MGA: variants seen among roughly 807,000 people sequenced by gnomAD.
MGA encodes the protein MAX dimerization protein MGA, also known as MAX gene-associated protein.
Under a neutral mutation model 261.1 loss-of-function variants are expected in MGA, and 40 were observed. That is an observed-to-expected ratio of 0.15 (90% CI 0.12 to 0.20). The LOEUF (loss-of-function observed/expected upper bound fraction) is 0.20. Among genes scored for constraint, MGA ranks in the 10% least tolerant of loss-of-function variants. The pLI is 1.00. For missense variants in MGA, 3,397 were observed against 3,630.5 expected, an observed-to-expected ratio of 0.94 and a Z score of 1.65; for synonymous variants, 1,302 against 1,290.6, an observed-to-expected ratio of 1.01 and a Z score of -0.19.
At chr15:41,760,870 G>A (rs1298915709) in intron 20 of MGA, among the ~76,000 whole-genome samples, 3 of 152,170 alleles carry the variant, frequency 2.0e-5, no homozygotes, top group Non-Finnish European at 4.4e-5. Flanking sequence ...CTGAGTAGTT[G>A]GGATTTCAGG....
At chr15:41,685,210 T>G (rs1275597748) in intron 2 of MGA, among the ~76,000 whole-genome samples, 2 of 152,232 alleles carry the variant, frequency 1.3e-5, no homozygotes. Flanking sequence ...GCATCACTTA[T>G]TGAAAATAAT....
upstream of MGA, among the ~76,000 whole-genome samples, chr15:41,658,651 A>G (rs1029202142): frequency 2.6e-5 from 3 of 113,268 alleles, no homozygotes; most frequent in African/African-American, 1.0e-4. Flanking sequence ...AAAACTATGG[A>G]TAGTTTTCCT....
At chr15:41,716,182 G>A (rs1369390178) in intron 9 of MGA, among the ~76,000 whole-genome samples, 1 of 151,676 alleles carries the variant, frequency 6.6e-6, no homozygotes, top group Non-Finnish European at 1.5e-5. Flanking sequence ...GCACGGTGGC[G>A]CAGGCCTGTA....
upstream of MGA, among the ~76,000 whole-genome samples, chr15:41,657,685 CAAAAA>C (rs67776808): frequency 2.3e-3 from 344 of 149,400 alleles, no homozygotes; most frequent in African/African-American, 8.2e-3. Flanking sequence ...CAAAACAAAA[CAAAAA>C]AAAAAACAAG....
intron 2 of MGA, among the ~76,000 whole-genome samples, chr15:41,686,084 T>C (rs867078523): frequency 5.3e-5 from 8 of 152,280 alleles, no homozygotes; most frequent in South Asian, 4.1e-4. Flanking sequence ...TACTAATTTA[T>C]AGAGTCCTTT....
chr15:41,638,472 C>T (rs761600036), intron 1 of MGA, among the ~76,000 whole-genome samples: 1 of 150,426 alleles, frequency 6.6e-6, no homozygotes, highest in African/African-American at 2.4e-5. Flanking sequence ...CTCAGGAGAT[C>T]CTCCTGCCTT....
rs1260407325 is a variant in MGA at position 41,696,503 on chromosome 15, A to G, written c.1493A>G (p.Lys498Arg). Residue 498 changes from lysine to arginine, a missense_variant, in exon 3 of 24, where the codon AAA becomes AGA. Lys to Arg is a conservative substitution (Grantham distance 26). Coordinates refer to ENST00000219905, the MANE Select transcript of MGA (RefSeq NM_001164273.2). The stretch of plus-strand genomic sequence containing the variant: ...ATGCTTTCCACATCTCGAAAGGATA[A>G]ATCTTCTATGTTGGCAGAATTGGAA... The G allele has an allele frequency of 1.9e-6, 3 of 1,613,884 alleles. No individual in the cohort carries two copies. The highest frequency in any genetic ancestry group is 2.5e-6 in the Non-Finnish European group (3 of 1,179,916).
intron 2 of MGA, among the ~76,000 whole-genome samples, chr15:41,673,380 G>C (rs1286694037): frequency 6.6e-6 from 1 of 151,682 alleles, no homozygotes; most frequent in African/African-American, 2.4e-5. Flanking sequence ...ACCATGCCTG[G>C]CTAATTTTTG....
intron 1 of MGA, among the ~76,000 whole-genome samples, chr15:41,629,420 T>C (rs1221058465): frequency 3.9e-5 from 6 of 152,134 alleles, no homozygotes; most frequent in African/African-American, 1.4e-4. Flanking sequence ...GGAATAGCCA[T>C]TGAGTAGGCA....
chr15:41,758,727 A>G (rs1167204937), intron 19 of MGA, among the ~76,000 whole-genome samples: 1 of 152,062 alleles, frequency 6.6e-6, no homozygotes, highest in African/African-American at 2.4e-5. Context: ...CTCCCATTCT[A>G]TGTTAATGCA....
At chr15:41,656,335 T>TC (rs1566936364), upstream of MGA, among the ~76,000 whole-genome samples, 6 of 104,744 alleles carry the variant, frequency 5.7e-5, no homozygotes, top group East Asian at 6.0e-4. Flanking sequence ...TCTCTCTCCC[T>TC]CTCCTCTCTT....
At chr15:41,734,730 G>T (rs2061681488) in intron 12 of MGA, 136 bp downstream of exon 12, 1 of 652,394 alleles carries the variant, frequency 1.5e-6, no homozygotes, top group Non-Finnish European at 2.4e-6. Context: ...CAAAAACAGG[G>T]ACAATAAGTA....
chr15:41,685,047 TG>T (rs1473042870), intron 2 of MGA, among the ~76,000 whole-genome samples: 7 of 152,218 alleles, frequency 4.6e-5, no homozygotes, highest in Non-Finnish European at 1.0e-4. Context: ...AAGAGAGAGC[TG>T]TTTTCACCAG....
intron 5 of MGA, among the ~76,000 whole-genome samples, chr15:41,701,310 AC>A (rs576257877): frequency 5.5e-4 from 83 of 151,986 alleles, no homozygotes; most frequent in Middle Eastern, 3.4e-3. Flanking sequence ...TGTTCTTTTA[AC>A]TTAATCTCCC....
chr15:41,756,274 CAGA>C (rs1156691584), intron 18 of MGA, among the ~76,000 whole-genome samples: 6 of 152,200 alleles, frequency 3.9e-5, no homozygotes, highest in South Asian at 4.1e-4. Context: ...AGACAGTTGA[CAGA>C]AGAAGAAGAA....
intron 5 of MGA, among the ~76,000 whole-genome samples, chr15:41,703,031 C>T (rs1430587525): frequency 6.6e-6 from 1 of 152,118 alleles, no homozygotes; most frequent in African/African-American, 2.4e-5. Context: ...AGTTAGTGAA[C>T]CAGTACTGAT....
chr15:41,710,591 A>C (rs1263984923), intron 7 of MGA, 100 bp from the exon 8 acceptor site: 2 of 1,175,652 alleles, frequency 1.7e-6, no homozygotes, highest in Non-Finnish European at 2.4e-6. Context: ...AAGATTCACT[A>C]TCTTGTAGCT....
chr15:41,761,730 G>C lies in MGA; in HGVS notation c.7399-9G>C. ...TCAATTTTCAATAATACCACTATTT[G>C]TATTCTAGGCCTTCAGTGAAATTCA... On this transcript the variant is annotated splice_polypyrimidine_tract_variant and intron_variant, in intron 20 of 23. Transcript: ENST00000219905. 1 of 1,533,538 alleles carries C rather than the reference G, an allele frequency of 6.5e-7. No individual in the cohort carries two copies. The highest frequency in any genetic ancestry group is 8.9e-7 in the Non-Finnish European group (1 of 1,121,878). The allele number at this position is 1,533,538 out of a possible 1,614,324, so 95.0% of individuals were successfully genotyped here. A position where few individuals can be genotyped will look rare whatever the true frequency, so the allele number is the denominator to read the frequency against.
At chr15:41,720,609 A>T (rs1226668377) in intron 9 of MGA, among the ~76,000 whole-genome samples, 1 of 152,122 alleles carries the variant, frequency 6.6e-6, no homozygotes, top group Admixed American at 6.6e-5. Context: ...AGGTGGGCAG[A>T]TTGCCTGAGC....
Sources: allele counts gnomAD v4.1 joint callset (sites outside exome capture counted in the v4.1 genomes callset), GRCh38; gene constraint gnomAD v4.1.1; transcripts MANE v1.5; gene names NCBI Gene and HGNC (gene_info 2026-07-23, HGNC 2026-07-21).